Variants in NOSIP observed in about 807,000 individuals in gnomAD.
NOSIP encodes the protein nitric oxide synthase interacting protein.
NOSIP carries 25 observed loss-of-function variants against 36.4 expected under a neutral mutation model. The ratio of observed to expected loss-of-function variants is 0.69; its 90% CI spans 0.50 to 0.96. The LOEUF (loss-of-function observed/expected upper bound fraction) is 0.96, where lower values mean the gene tolerates loss of function less well. Ranked by LOEUF, NOSIP falls within the 40% of genes least tolerant of loss-of-function variation. The pLI is 0.00. For missense variants in NOSIP, 370 were observed against 429.0 expected (o/e 0.86, Z 1.21); for synonymous variants, 187 against 179.2 (o/e 1.04, Z -0.35).
Position 49,558,905 on chromosome 19 carries a change from G to A in NOSIP, c.250C>T (p.Gln84Ter). The change falls in exon 4 of 9, where the codon CAG (glutamine) becomes TAG (stop). Residue 84 changes from glutamine to a stop codon, truncating the protein, a stop_gained. Coordinates refer to ENST00000596358, the MANE Select transcript of NOSIP (RefSeq NM_001270960.2). LOFTEE classifies it high-confidence loss of function. ...CTCCCCATCCCCATCACCTTCATCT[G>A]CCGGGCAATCTCCTTCTTCTGGTGC... is the stretch of plus-strand genomic sequence containing the variant. ...ILHQKKEIAR[Q>*]MKAYEKQRGT... 1.9e-6 allele frequency: 3 copies of A among 1,613,808 alleles called. No homozygotes were observed. The highest frequency in any genetic ancestry group is 2.5e-6 in the Non-Finnish European group (3 of 1,179,768).
chr19:49,562,106 C>T (rs2080343129), intron 1 of NOSIP, among the ~76,000 whole-genome samples: 1 of 152,092 alleles, frequency 6.6e-6, no homozygotes. Context: ...GGCCAGTAAA[C>T]AGCCTGCATG....
At chr19:49,566,129 C>T in intron 1 of NOSIP, among the ~76,000 whole-genome samples, 1 of 152,016 alleles carries the variant, frequency 6.6e-6, no homozygotes, top group African/African-American at 2.4e-5. Flanking sequence ...ACGCCATTCT[C>T]CTGCCTCAGC....
intron 1 of NOSIP, among the ~76,000 whole-genome samples, chr19:49,569,528 C>G (rs1285457702): frequency 7.0e-6 from 1 of 142,854 alleles, no homozygotes; most frequent in Non-Finnish European, 1.5e-5. Flanking sequence ...AACATTTGGC[C>G]GGGCACGGTG....
chr19:49,561,388 T>G (rs2080332396), intron 1 of NOSIP, among the ~76,000 whole-genome samples: 1 of 152,218 alleles, frequency 6.6e-6, no homozygotes, highest in African/African-American at 2.4e-5. Context: ...TTTTTTATTC[T>G]GTAAGTTTTC....
chr19:49,570,670 A>AC (rs530112413), intron 1 of NOSIP, among the ~76,000 whole-genome samples: 122 of 151,046 alleles, frequency 8.1e-4, no homozygotes, highest in African/African-American at 2.9e-3. Flanking sequence ...CTTCCCCCTG[A>AC]CCCCCAAGCT....
At chr19:49,577,764 C>CA (rs1555737295) in intron 1 of NOSIP, among the ~76,000 whole-genome samples, 4 of 18,940 alleles carry the variant, frequency 2.1e-4, no homozygotes, top group South Asian at 2.4e-3. Flanking sequence ...GGCCGTGTCT[C>CA]GGGAAAAAAA....
intron 1 of NOSIP, among the ~76,000 whole-genome samples, chr19:49,578,870 G>A (rs1378360114): frequency 2.0e-5 from 3 of 151,366 alleles, no homozygotes; most frequent in Admixed American, 6.6e-5. Flanking sequence ...TGATCCGCCC[G>A]CCTTGGCCTC....
intron 1 of NOSIP, among the ~76,000 whole-genome samples, chr19:49,561,571 A>T (rs1357602180): frequency 6.6e-6 from 1 of 152,148 alleles, no homozygotes; most frequent in East Asian, 1.9e-4. Context: ...TTCACATACC[A>T]TAAAATTAAC....
intron 1 of NOSIP, among the ~76,000 whole-genome samples, chr19:49,561,541 A>G (rs58002203): frequency 0.11 from 16,087 of 152,030 alleles, 2,245 homozygotes; most frequent in African/African-American, 0.31. Flanking sequence ...ACCCTTTTAA[A>G]TGACTTTATT....
In NOSIP at chr19:49,556,957, C is replaced by G. The variant is rs763763680; in HGVS notation, c.455G>C (p.Ser152Thr). 3 of 1,612,348 alleles carry G rather than the reference C, an allele frequency of 1.9e-6. No homozygotes were observed. Among genetic ancestry groups the G allele is most frequent in the Non-Finnish European group, 2.5e-6 (3 of 1,179,214 alleles). ...VQPGPSVGPPSKDKDKVLPSF... is the reference protein window; with the variant it reads ...VQPGPSVGPPTKDKDKVLPSF... Reference sequence around the variant, plus strand: ...GGGCAGCACTTTGTCCTTGTCCTTACTTGGAGGACCCACACTGGGCCCAGG... The same window carrying G: ...GGGCAGCACTTTGTCCTTGTCCTTAGTTGGAGGACCCACACTGGGCCCAGG... The change falls in exon 6 of 9, where the codon AGT becomes ACT. Residue 152 changes from serine (S) to threonine (T), a missense_variant. Ser to Thr is a moderately conservative substitution (Grantham distance 58). Around this residue, in one of 3 missense-constraint regions of NOSIP, gnomAD observed 315 missense variants for 331.9 expected, o/e 0.95. Coordinates refer to ENST00000596358, the MANE Select transcript of NOSIP (RefSeq NM_001270960.2).
rs942678184 is a variant in NOSIP, at chr19:49,559,694, G to A, written c.176+240C>T. On this transcript the variant is annotated intron_variant, in intron 3 of 8. Transcript: ENST00000596358. ...AAAGGTGAGCTGCTCCGATGGCCTC[G>A]GCAATGCTCTGAGAGCCCTACACCC... 6.4e-5 allele frequency: 34 copies of A among 530,082 alleles called. No individual in the cohort carries two copies. The Middle Eastern group carries it at 1.6e-3, about 24-fold the overall frequency. The allele number at this position is 530,082 out of a possible 1,614,324, so 32.8% of individuals were successfully genotyped here. A position where few individuals can be genotyped will look rare whatever the true frequency, so the allele number is the denominator to read the frequency against.
At chr19:49,561,855 C>G (rs1013567808) in intron 1 of NOSIP, among the ~76,000 whole-genome samples, 1 of 150,792 alleles carries the variant, frequency 6.6e-6, no homozygotes, top group Non-Finnish European at 1.5e-5. Flanking sequence ...TGCACTCCAA[C>G]CTAGACAGAG....
chr19:49,573,176 T>C (rs1382744019), intron 1 of NOSIP, among the ~76,000 whole-genome samples: 1 of 152,138 alleles, frequency 6.6e-6, no homozygotes, highest in Non-Finnish European at 1.5e-5. Context: ...CTGTGTTTGA[T>C]CCAAGCACCT....
chr19:49,574,809 C>A (rs926431967), intron 1 of NOSIP, among the ~76,000 whole-genome samples: 11 of 151,866 alleles, frequency 7.2e-5, no homozygotes, highest in Admixed American at 2.0e-4. Context: ...GAATCTCCTG[C>A]TTCAGCCTCC....
chr19:49,557,224 C>G lies in NOSIP; in HGVS notation c.284G>C (p.Arg95Pro), dbSNP rs1487476518. 1.3e-6 allele frequency: 2 copies of G among 1,594,878 alleles called. No homozygotes were observed. Among genetic ancestry groups the G allele is most frequent in the South Asian group, 1.1e-5 (1 of 88,254 alleles). ...CTGAAGCTCCTTCTGCTCCTCGCGC[C>G]GGGTGCCCCGCTGCTTCTCGTAGGC... is the stretch of plus-strand genomic sequence containing the variant. ...MKAYEKQRGT[R>P]REEQKELQRA... The change falls in exon 5 of 9, where the codon CGG (arginine) becomes CCG (proline). Residue 95 changes from arginine (R) to proline (P), a missense_variant. Physicochemically the swap from Arg to Pro is moderately radical, Grantham distance 103. This residue lies in a region of NOSIP where 315 missense variants were observed against 331.9 expected (regional missense o/e 0.95). Transcript: ENST00000596358.
chr19:49,566,064 G>A (rs937356336), intron 1 of NOSIP, among the ~76,000 whole-genome samples: 1 of 150,580 alleles, frequency 6.6e-6, no homozygotes, highest in African/African-American at 2.5e-5. Context: ...CTGTCGTCCA[G>A]GCTGGAGTGC....
Position 49,559,044 on chromosome 19 carries a change from T to G in NOSIP, c.177-66A>C, listed in dbSNP as rs2080295969. ...CTCCCGCCTCGGCCTCCCGAAGTGC[T>G]GGGATTATAGGCAGAAGTCATCATG... On this transcript the variant is annotated intron_variant, in intron 3 of 8. Coordinates refer to ENST00000596358, the MANE Select transcript of NOSIP (RefSeq NM_001270960.2). The G allele has an allele frequency of 2.3e-6, 3 of 1,312,508 alleles. No individual in the cohort carries two copies. The South Asian group carries it at 3.5e-5, about 15-fold the overall frequency. 81.3% of individuals were successfully genotyped at this position (1,312,508 alleles called of 1,614,324 possible).
intron 1 of NOSIP, among the ~76,000 whole-genome samples, chr19:49,571,219 CA>C (rs983980038): frequency 2.0e-5 from 3 of 150,382 alleles, no homozygotes; most frequent in Non-Finnish European, 4.4e-5. Context: ...CTCCTGATCT[CA>C]AGTGATCCGC....
chr19:49,560,143 T>C lies in NOSIP; in HGVS notation c.71-104A>G, dbSNP rs975466448. ...CACAGAGACAACGCGGTGGTGGGGGTGGGGGACTCAGAGAGAAACAGGCAG... is the reference window on the plus strand; with the variant it reads ...CACAGAGACAACGCGGTGGTGGGGGCGGGGGACTCAGAGAGAAACAGGCAG... On this transcript the variant is annotated intron_variant, in intron 2 of 8. Transcript: ENST00000596358. This position sits in a 1 kb window ranked among gnomAD's most constrained non-coding sequence, Gnocchi z 4.6. The C allele has an allele frequency of 7.3e-6, 5 of 688,270 alleles. No individual in the cohort carries two copies. The African/African-American group carries it at 7.6e-5, about 10-fold the overall frequency. The allele number at this position is 688,270 out of a possible 1,614,324, so 42.6% of individuals were successfully genotyped here.
Sources: allele counts gnomAD v4.1 joint callset (sites outside exome capture counted in the v4.1 genomes callset), GRCh38; gene constraint gnomAD v4.1.1; regional missense constraint gnomAD v4.1.1; non-coding constraint Gnocchi (gnomAD v3.1); transcripts MANE v1.5; gene names NCBI Gene and HGNC (gene_info 2026-07-23, HGNC 2026-07-21).